Variants in DOCK3 observed in about 807,000 individuals in gnomAD.
The protein encoded by DOCK3 is dedicator of cytokinesis protein 3.
DOCK3 carries 60 observed loss-of-function variants against 265.6 expected under a neutral mutation model. That is an observed-to-expected ratio of 0.23 (90% CI 0.18 to 0.28). DOCK3 has a LOEUF of 0.28. DOCK3 is among the 10% of genes least tolerant of loss of function. The pLI is 1.00. For synonymous variants in DOCK3, 881 were observed against 938.0 expected, an observed-to-expected ratio of 0.94 and a Z score of 1.11; for missense variants, 1,981 against 2,594.3, an observed-to-expected ratio of 0.76 and a Z score of 5.14.
intron 1 of DOCK3, among the ~76,000 whole-genome samples, chr3:50,763,763 TTC>T (rs1462555353): frequency 6.6e-6 from 1 of 152,180 alleles, no homozygotes; most frequent in Non-Finnish European, 1.5e-5. Context: ...AATTTAAGTC[TTC>T]TCTCTGTTTT....
chr3:51,344,240 C>T (rs770132063), intron 38 of DOCK3, among the ~76,000 whole-genome samples: 4 of 152,180 alleles, frequency 2.6e-5, no homozygotes, highest in Non-Finnish European at 5.9e-5. Context: ...CCATGCTTTT[C>T]CCTTCCTTTG....
intron 12 of DOCK3, among the ~76,000 whole-genome samples, chr3:51,166,783 C>A (rs188745226): frequency 3.3e-5 from 5 of 152,176 alleles, no homozygotes; most frequent in African/African-American, 1.2e-4. Flanking sequence ...GTCTTTCAGG[C>A]CTTTTTGCCT....
intron 3 of DOCK3, among the ~76,000 whole-genome samples, chr3:50,884,179 C>T (rs2048210262): frequency 6.6e-6 from 1 of 151,882 alleles, no homozygotes; most frequent in Non-Finnish European, 1.5e-5. Context: ...CAAACTCTGC[C>T]TCCTGGGTTC....
At chr3:51,337,529 C>G (rs1212777253) in intron 35 of DOCK3, among the ~76,000 whole-genome samples, 1 of 152,202 alleles carries the variant, frequency 6.6e-6, no homozygotes, top group East Asian at 1.9e-4. Context: ...TAGATCTTCT[C>G]CATAGCAGTG....
At chr3:51,358,976 G>A (rs1560500208) in intron 46 of DOCK3, among the ~76,000 whole-genome samples, 1 of 152,234 alleles carries the variant, frequency 6.6e-6, no homozygotes, top group African/African-American at 2.4e-5. Flanking sequence ...GATCTTAAGG[G>A]ATATGAGCCC....
At chr3:51,119,653 T>A (rs1468070189) in intron 9 of DOCK3, among the ~76,000 whole-genome samples, 1 of 152,088 alleles carries the variant, frequency 6.6e-6, no homozygotes, top group Non-Finnish European at 1.5e-5. Flanking sequence ...GGAGGCTTCG[T>A]TTGTTCATTT....
chr3:50,965,776 A>G (rs1473891447), intron 5 of DOCK3, among the ~76,000 whole-genome samples: 1 of 152,142 alleles, frequency 6.6e-6, no homozygotes, highest in Non-Finnish European at 1.5e-5. Flanking sequence ...AAAATCAAAC[A>G]TTTTTTAATT....
intron 9 of DOCK3, among the ~76,000 whole-genome samples, chr3:51,120,020 T>C (rs2083939146): frequency 6.6e-6 from 1 of 152,082 alleles, no homozygotes; most frequent in South Asian, 2.1e-4. Context: ...CAAGGAGTTG[T>C]GATCCTTTGG....
At chr3:50,772,242 G>A (rs1170660094) in intron 1 of DOCK3, among the ~76,000 whole-genome samples, 2 of 152,108 alleles carry the variant, frequency 1.3e-5, no homozygotes, top group South Asian at 2.1e-4. Flanking sequence ...TCTAAACATC[G>A]AAACAACTGA....
At chr3:51,027,570 G>A (rs949421837) in intron 5 of DOCK3, among the ~76,000 whole-genome samples, 2 of 152,082 alleles carry the variant, frequency 1.3e-5, no homozygotes, top group African/African-American at 4.8e-5. Flanking sequence ...GTGTGGCTGT[G>A]TGGCTGTTTT....
At position 51,280,148 on chromosome 3, in the gene DOCK3, T is replaced by A. The variant is rs1475842070; in HGVS notation, c.2866T>A (p.Cys956Ser). Residue 956 changes from cysteine to serine, a missense_variant, in exon 27 of 53, where the codon TGT (cysteine) becomes AGT (serine). This residue lies in a region of DOCK3 where 1,357 missense variants were observed against 1,866.8 expected (regional missense o/e 0.73). Coordinates refer to ENST00000266037, the MANE Select transcript of DOCK3 (RefSeq NM_004947.5). Reference sequence around the variant, plus strand: ...CCTTCTCTCACTGCTCCGCCAGATGTGTGACACCCATTTCCAGCACCTCCT... The same window carrying A: ...CCTTCTCTCACTGCTCCGCCAGATGAGTGACACCCATTTCCAGCACCTCCT... ...SCLLSLLRQMCDTHFQHLLDN... is the reference protein window; with the variant it reads ...SCLLSLLRQMSDTHFQHLLDN... The A allele has an allele frequency of 1.2e-6, 2 of 1,613,868 alleles. No homozygotes were observed. Among genetic ancestry groups the A allele is most frequent in the African/African-American group, 2.7e-5 (2 of 75,018 alleles).
intron 1 of DOCK3, among the ~76,000 whole-genome samples, chr3:50,742,263 A>G (rs2039095561): frequency 6.6e-6 from 1 of 152,218 alleles, no homozygotes; most frequent in South Asian, 2.1e-4. Context: ...GAGCAGAAAA[A>G]CTGGAAACTC....
chr3:50,934,384 T>G (rs752324839), intron 5 of DOCK3, among the ~76,000 whole-genome samples: 8 of 152,164 alleles, frequency 5.3e-5, no homozygotes, highest in Non-Finnish European at 7.4e-5. Context: ...ACAGAACAAA[T>G]GAACCAACTT....
At chr3:51,279,773 A>G (rs778619161) in intron 26 of DOCK3, among the ~76,000 whole-genome samples, 7 of 152,160 alleles carry the variant, frequency 4.6e-5, no homozygotes, top group Non-Finnish European at 7.4e-5. Flanking sequence ...AGTATCCTCT[A>G]TAGACTTCAG....
chr3:50,698,517 G>GTTTTTTTGTTTTT (rs2035795523), intron 1 of DOCK3, among the ~76,000 whole-genome samples: 1 of 19,506 alleles, frequency 5.1e-5, no homozygotes, highest in Non-Finnish European at 1.2e-4. Context: ...TATGTTTTTG[G>GTTTTTTTGTTTTT]TTTTTTTTTT....
At chr3:50,998,886 C>G (rs1231085164) in intron 5 of DOCK3, among the ~76,000 whole-genome samples, 1 of 152,152 alleles carries the variant, frequency 6.6e-6, no homozygotes, top group African/African-American at 2.4e-5. Context: ...GAAGTTATTT[C>G]CTTTGGACAT....
At chr3:50,810,827 T>A (rs2043708637) in intron 2 of DOCK3, among the ~76,000 whole-genome samples, 1 of 152,118 alleles carries the variant, frequency 6.6e-6, no homozygotes. Flanking sequence ...CTGGAAAGGA[T>A]TGACTGGAAA....
chr3:51,372,486 G>A (rs979704274), intron 49 of DOCK3, among the ~76,000 whole-genome samples: 1 of 152,196 alleles, frequency 6.6e-6, no homozygotes, highest in Non-Finnish European at 1.5e-5. Flanking sequence ...CTGAGCCCTG[G>A]CTACAGCCTT....
intron 51 of DOCK3, among the ~76,000 whole-genome samples, chr3:51,379,067 G>T (rs1406075113): frequency 6.6e-6 from 1 of 152,156 alleles, no homozygotes; most frequent in Non-Finnish European, 1.5e-5. Context: ...CTAGACTTTG[G>T]CAAGGAGCTC....
Sources: gnomAD v4.1 joint callset for allele counts (sites outside exome capture counted in the v4.1 genomes callset) on GRCh38, gnomAD v4.1.1 for gene constraint, gnomAD v4.1.1 regional missense constraint, MANE v1.5 for transcripts, NCBI Gene and HGNC (gene_info 2026-07-23, HGNC 2026-07-21) for gene names.